Variants in CBL observed in about 807,000 individuals in gnomAD.
CBL encodes the protein E3 ubiquitin-protein ligase CBL.
A neutral mutation model predicts 96.9 loss-of-function variants in CBL; 45 were observed. The observed-to-expected ratio is 0.46, with a 90% CI of 0.37 to 0.60. The LOEUF (loss-of-function observed/expected upper bound fraction) is 0.60. Ranked by LOEUF, CBL falls within the 20% of genes least tolerant of loss-of-function variation. The pLI, the probability that CBL is intolerant of heterozygous loss-of-function variation, is 0.00. For missense variants in CBL, 1,024 were observed against 1,143.5 expected (o/e 0.90, Z 1.51); for synonymous variants, 420 against 426.8 (o/e 0.98, Z 0.20).
chr11:119,218,520 A>G (rs1949381396), intron 1 of CBL, among the ~76,000 whole-genome samples: 1 of 152,220 alleles, frequency 6.6e-6, no homozygotes, highest in Non-Finnish European at 1.5e-5. Context: ...GAAATAATCC[A>G]TAAGTTTTAA....
At chr11:119,275,419 T>C (rs3794073) in intron 5 of CBL, among the ~76,000 whole-genome samples, 43,522 of 151,604 alleles carry the variant, frequency 0.29, 6,680 homozygotes, top group South Asian at 0.61. Context: ...GCCTGGGCAA[T>C]AAGAGCGAAA....
intron 1 of CBL, among the ~76,000 whole-genome samples, chr11:119,223,379 T>C (rs1247117349): frequency 1.3e-5 from 2 of 150,568 alleles, no homozygotes; most frequent in East Asian, 2.0e-4. Flanking sequence ...TTTTATTTTG[T>C]TTTGTTTTAT....
intron 1 of CBL, among the ~76,000 whole-genome samples, chr11:119,210,911 A>G (rs913767136): frequency 1.3e-5 from 2 of 152,190 alleles, no homozygotes; most frequent in African/African-American, 4.8e-5. Flanking sequence ...AAAACCCCCA[A>G]TAGTACTGAA....
In CBL at chr11:119,274,099, A is replaced by C. The variant is rs1478441691; in HGVS notation, c.747+75A>C. 1.0e-5 allele frequency: 10 copies of C among 994,516 alleles called. No individual in the cohort carries two copies. The East Asian group carries it at 2.5e-4, about 25-fold the overall frequency. 61.6% of individuals were successfully genotyped at this position (994,516 alleles called of 1,614,324 possible). A position where few individuals can be genotyped will look rare whatever the true frequency, so the allele number is the denominator to read the frequency against. ...GAGAAAGCTTTTTTTTTTTTTTTTT[A>C]AATAACATTTGGGGTTTTTGTCTGT... On this transcript the variant is annotated intron_variant, in intron 4 of 15. Coordinates refer to ENST00000264033, the MANE Select transcript of CBL (RefSeq NM_005188.4).
Position 119,298,490 on chromosome 11 carries a change from A to C in CBL, c.2384A>C (p.Asn795Thr). Reference sequence around the variant, plus strand: ...CGCCGAACTCTCTCAGATATCTCTAATGCCAGCTCCTCCTTTGGCTGGTTG... The same window carrying C: ...CGCCGAACTCTCTCAGATATCTCTACTGCCAGCTCCTCCTTTGGCTGGTTG... ...LARRTLSDIS[N>T]ASSSFGWLSL... Residue 795 changes from asparagine to threonine, a missense_variant, in exon 15 of 16, where the codon AAT becomes ACT. Physicochemically the swap from Asn to Thr is moderately conservative, Grantham distance 65 (BLOSUM62 0). This residue lies in a region of CBL where 695 missense variants were observed against 661.6 expected (regional missense o/e 1.05). Coordinates refer to ENST00000264033, the MANE Select transcript of CBL (RefSeq NM_005188.4). 1 of 1,614,166 alleles carries C rather than the reference A, an allele frequency of 6.2e-7. No homozygotes were observed. Among genetic ancestry groups the C allele is most frequent in the Non-Finnish European group, 8.5e-7 (1 of 1,180,024 alleles).
chr11:119,258,222 G>A (rs555649486), intron 2 of CBL, among the ~76,000 whole-genome samples: 26 of 152,220 alleles, frequency 1.7e-4, no homozygotes, highest in African/African-American at 4.8e-4. Flanking sequence ...GTGAGACTAC[G>A]TCTCAAAAAA....
Position 119,297,119 on chromosome 11 carries a change from A to G in CBL, c.2153+85A>G. 5 of 807,788 alleles carry G rather than the reference A, an allele frequency of 6.2e-6. No individual in the cohort carries two copies. The Admixed American group carries it at 8.5e-5, about 14-fold the overall frequency. The allele number at this position is 807,788 out of a possible 1,614,324, so 50.0% of individuals were successfully genotyped here. A position where few individuals can be genotyped will look rare whatever the true frequency, so the allele number is the denominator to read the frequency against. ...CACCTGCTTGGCTTGCTACCTGCAC[A>G]TACTGTTATCCAGTCAGATTAAAGC... On this transcript the variant is annotated intron_variant, in intron 13 of 15. Transcript: ENST00000264033.
At chr11:119,252,819 T>C (rs534898355) in intron 2 of CBL, among the ~76,000 whole-genome samples, 1 of 150,062 alleles carries the variant, frequency 6.7e-6, no homozygotes, top group Non-Finnish European at 1.5e-5. Flanking sequence ...AGGCGGAGGT[T>C]GCAGTCAGCC....
chr11:119,227,937 T>C (rs1190883261), intron 1 of CBL, among the ~76,000 whole-genome samples: 1 of 152,232 alleles, frequency 6.6e-6, no homozygotes. Context: ...TTTACTTCTG[T>C]GTCCCTGTGC....
rs549316742 is a variant in CBL at position 119,217,227 on chromosome 11, C to T, written c.195+10615C>T. 1.1e-4 allele frequency among the ~76,000 whole-genome samples: 17 copies of T among 152,268 alleles called. 1 individual carries two copies. In the East Asian group the frequency reaches 3.3e-3, roughly 29 times the overall value. On this transcript the variant is annotated intron_variant, in intron 1 of 15. Transcript: ENST00000264033. ...CCACCTCCTAGGTTCAAGCAATTCT[C>T]CTGCTCAGCCTCCCGAGTAGCTGGG...
chr11:119,306,201 A>G lies in CBL; in HGVS notation c.*6420A>G. 2.5e-6 allele frequency: 1 copy of G among 398,562 alleles called. No homozygotes were observed. Among genetic ancestry groups the G allele is most frequent in the Non-Finnish European group, 4.4e-6 (1 of 226,068 alleles). The allele number at this position is 398,562 out of a possible 1,614,324, so 24.7% of individuals were successfully genotyped here. On this transcript the variant is annotated 3_prime_UTR_variant, in exon 16 of 16. Coordinates refer to ENST00000264033, the MANE Select transcript of CBL (RefSeq NM_005188.4). ...GTGGAAGGGCCGGCTGTTGACAGAC[A>G]GACTAAGCTGTGTGGTGCTCTTGCC...
At chr11:119,250,054 A>T (rs1372736806) in intron 2 of CBL, among the ~76,000 whole-genome samples, 1 of 152,150 alleles carries the variant, frequency 6.6e-6, no homozygotes, top group African/African-American at 2.4e-5. Context: ...GTTTCAGTCC[A>T]TGCTGGGCAA....
rs1475009534 is a variant in CBL at position 119,304,497 on chromosome 11, C to T, written c.*4716C>T. On this transcript the variant is annotated 3_prime_UTR_variant, in exon 16 of 16. Transcript: ENST00000264033. ...GGAGCTGGAACTGCAGAGCTTTGCACCTAGTCCTTTCTCCCGCTTCACAGT... is the reference window on the plus strand; with the variant it reads ...GGAGCTGGAACTGCAGAGCTTTGCATCTAGTCCTTTCTCCCGCTTCACAGT... 4 of 233,090 alleles carry T rather than the reference C, an allele frequency of 1.7e-5. No homozygotes were observed. Among genetic ancestry groups the T allele is most frequent in the Non-Finnish European group, 3.4e-5 (4 of 118,032 alleles). 14.4% of individuals were successfully genotyped at this position (233,090 alleles called of 1,614,324 possible).
At chr11:119,292,782 A>G (rs1037498081) in intron 12 of CBL, among the ~76,000 whole-genome samples, 4 of 152,178 alleles carry the variant, frequency 2.6e-5, no homozygotes, top group Non-Finnish European at 4.4e-5. Flanking sequence ...GATGTGTGCC[A>G]CCACACCTAG....
Position 119,303,953 on chromosome 11 carries a change from A to G in CBL, c.*4172A>G, listed in dbSNP as rs1441999711. 2 of 233,524 alleles carry G rather than the reference A, an allele frequency of 8.6e-6. No homozygotes were observed. Among genetic ancestry groups the G allele is most frequent in the African/African-American group, 2.2e-5 (1 of 45,308 alleles). The allele number at this position is 233,524 out of a possible 1,614,324, so 14.5% of individuals were successfully genotyped here. A position where few individuals can be genotyped will look rare whatever the true frequency, so the allele number is the denominator to read the frequency against. ...TTGGAATTGGTTTTCCAGTCTTTCAACAACCGTTGTGGCTAACTATGTTTT... is the reference window on the plus strand; with the variant it reads ...TTGGAATTGGTTTTCCAGTCTTTCAGCAACCGTTGTGGCTAACTATGTTTT... On this transcript the variant is annotated 3_prime_UTR_variant, in exon 16 of 16. Transcript: ENST00000264033.
chr11:119,253,535 T>TGGTG (rs1313074182), intron 2 of CBL, among the ~76,000 whole-genome samples: 7 of 786 alleles, frequency 8.9e-3, no homozygotes, highest in South Asian at 0.023. Context: ...ACGATGTGGC[T>TGGTG]CACACCTGTA....
chr11:119,235,657 G>T (rs1249081158), intron 2 of CBL, among the ~76,000 whole-genome samples: 1 of 152,020 alleles, frequency 6.6e-6, no homozygotes, highest in Non-Finnish European at 1.5e-5. Context: ...CACTTGGTGT[G>T]ACTTATAATG....
intron 2 of CBL, among the ~76,000 whole-genome samples, chr11:119,261,407 G>C (rs1051208091): frequency 3.9e-5 from 6 of 152,088 alleles, no homozygotes; most frequent in Non-Finnish European, 8.8e-5. Flanking sequence ...ACATACTCAG[G>C]AGTTAAATAA....
At position 119,271,862 on chromosome 11, in the gene CBL, A is replaced by G. The variant is rs1480417498; in HGVS notation, c.571A>G (p.Arg191Gly). The G allele has an allele frequency of 6.2e-7, 1 of 1,614,034 alleles. No homozygotes were observed. ...ITKADAAEFW[R>G]KAFGEKTIVP... ...TAAAGCAGATGCTGCGGAATTTTGG[A>G]GAAAAGCTTTTGGGGAAAAGTAAGT... Residue 191 changes from arginine (R) to glycine (G), a missense_variant, in exon 3 of 16, where the codon AGA becomes GGA. By Grantham distance (125) the Arg-to-Gly change is moderately radical. Transcript: ENST00000264033.
Sources: allele counts gnomAD v4.1 joint callset (sites outside exome capture counted in the v4.1 genomes callset), GRCh38; gene constraint gnomAD v4.1.1; regional missense constraint gnomAD v4.1.1; transcripts MANE v1.5; gene names NCBI Gene and HGNC (gene_info 2026-07-23, HGNC 2026-07-21).